The following CNTNAP5 variants were observed in gnomAD, a reference collection of about 807,000 sequenced individuals.
CNTNAP5 encodes contactin associated protein family member 5.
CNTNAP5 carries 72 observed loss-of-function variants against 150.2 expected under a neutral mutation model. That is an observed-to-expected ratio of 0.48 (90% CI 0.40 to 0.58). The LOEUF is 0.58. Among genes scored for constraint, CNTNAP5 ranks in the 20% least tolerant of loss-of-function variants. CNTNAP5 has a pLI of 0.00. For missense variants in CNTNAP5, 1,636 were observed against 1,626.2 expected, an observed-to-expected ratio of 1.01 and a Z score of -0.10; for synonymous variants, 672 against 619.8, an observed-to-expected ratio of 1.08 and a Z score of -1.25.
chr2:124,415,769 G>A (rs1691902624), intron 3 of CNTNAP5, among the ~76,000 whole-genome samples: 1 of 152,074 alleles, frequency 6.6e-6, no homozygotes, highest in Non-Finnish European at 1.5e-5. Flanking sequence ...GGTGGTGATG[G>A]TTATACGACA....
At chr2:124,057,554 T>C (rs1681889102) in intron 1 of CNTNAP5, among the ~76,000 whole-genome samples, 1 of 148,440 alleles carries the variant, frequency 6.7e-6, no homozygotes, top group African/African-American at 2.5e-5. Context: ...ACTCCCAAAG[T>C]GCTGGGATTA....
At chr2:124,063,812 G>A (rs544255548) in intron 1 of CNTNAP5, among the ~76,000 whole-genome samples, 6 of 152,220 alleles carry the variant, frequency 3.9e-5, no homozygotes, top group Admixed American at 2.0e-4. Context: ...ATAAAGGTGG[G>A]CACAGGACAT....
At chr2:124,909,858 T>TATATATATATATATATAA (rs56823375) in intron 22 of CNTNAP5, among the ~76,000 whole-genome samples, 8 of 143,498 alleles carry the variant, frequency 5.6e-5, no homozygotes, top group Non-Finnish European at 1.1e-4. Flanking sequence ...TATATATATA[T>TATATATATATATATATAA]GTTCTTCTCC....
chr2:124,093,725 G>C (rs1045513626), intron 1 of CNTNAP5, among the ~76,000 whole-genome samples: 22 of 152,114 alleles, frequency 1.4e-4, no homozygotes, highest in Non-Finnish European at 2.9e-4. Context: ...TCATACTTGG[G>C]TATAAGATAG....
intron 19 of CNTNAP5, among the ~76,000 whole-genome samples, chr2:124,839,917 A>G (rs1173080209): frequency 6.6e-6 from 1 of 152,148 alleles, no homozygotes; most frequent in Non-Finnish European, 1.5e-5. Context: ...AGGAAAACAC[A>G]CTTGTCTCTT....
intron 1 of CNTNAP5, among the ~76,000 whole-genome samples, chr2:124,059,519 T>C (rs1389105980): frequency 6.6e-6 from 1 of 152,212 alleles, no homozygotes; most frequent in Non-Finnish European, 1.5e-5. Flanking sequence ...GCACAGGATG[T>C]CATTCCTGAC....
At chr2:124,499,578 G>A (rs1301522655) in intron 7 of CNTNAP5, among the ~76,000 whole-genome samples, 6 of 152,218 alleles carry the variant, frequency 3.9e-5, no homozygotes, top group Non-Finnish European at 5.9e-5. Flanking sequence ...TGCCGATGAC[G>A]AGGGACACAA....
chr2:124,771,189 A>C (rs765786182), intron 16 of CNTNAP5, among the ~76,000 whole-genome samples: 1 of 152,174 alleles, frequency 6.6e-6, no homozygotes, highest in Non-Finnish European at 1.5e-5. Context: ...TAAATCTGGC[A>C]GTTGATGACT....
chr2:124,446,841 T>G lies in CNTNAP5; in HGVS notation c.822T>G (p.Ile274Met). 1 of 1,613,760 alleles carries G rather than the reference T, an allele frequency of 6.2e-7. No individual in the cohort carries two copies. Among genetic ancestry groups the G allele is most frequent in the Non-Finnish European group, 8.5e-7 (1 of 1,179,800 alleles). Reference protein sequence around the residue: ...LDDQHWHSVLIERVGKQVNFT... With the variant: ...LDDQHWHSVLMERVGKQVNFT... ...ACCAGCACTGGCACTCGGTCCTCAT[T>G]GAGCGGGTGGGCAAGCAGGTGAACT... is the stretch of plus-strand genomic sequence containing the variant. The change falls in exon 6 of 24, where the codon ATT becomes ATG. Residue 274 changes from isoleucine to methionine, a missense_variant. Physicochemically the swap from Ile to Met is conservative, Grantham distance 10. Coordinates refer to ENST00000682447, the MANE Select transcript of CNTNAP5 (RefSeq NM_001367498.1).
chr2:124,919,439 C>T lies in CNTNAP5; in HGVS notation c.*5151C>T, dbSNP rs1240798867. Among the ~76,000 whole-genome samples, 1 of 152,050 alleles carries T rather than the reference C, an allele frequency of 6.6e-6. No individual in the cohort carries two copies. The highest frequency in any genetic ancestry group is 6.6e-5 in the Admixed American group (1 of 15,244). On this transcript the variant is annotated 3_prime_UTR_variant, in exon 24 of 24. Transcript: ENST00000682447. The stretch of plus-strand genomic sequence containing the variant: ...ATAGTCTACAAAATGGCTGAGCAGA[C>T]ATGAACAAAGGTTAATGCAAAAGTT...
chr2:124,888,412 G>A (rs895405830), intron 21 of CNTNAP5, among the ~76,000 whole-genome samples: 2 of 152,104 alleles, frequency 1.3e-5, no homozygotes, highest in African/African-American at 4.8e-5. Context: ...GAACATATGA[G>A]CACATGTGTC....
At chr2:124,244,801 C>G (rs1008394310) in intron 3 of CNTNAP5, among the ~76,000 whole-genome samples, 3 of 152,106 alleles carry the variant, frequency 2.0e-5, no homozygotes, top group Non-Finnish European at 4.4e-5. Context: ...ACCTATTACA[C>G]AAGATATGTA....
intron 10 of CNTNAP5, among the ~76,000 whole-genome samples, chr2:124,556,850 G>A (rs375237656): frequency 6.6e-6 from 1 of 152,052 alleles, no homozygotes; most frequent in South Asian, 2.1e-4. Flanking sequence ...GCAGGGTGAG[G>A]GAGGAGATCA....
At chr2:124,419,161 A>AAAAAAAAAAAAAAAAC in intron 4 of CNTNAP5, among the ~76,000 whole-genome samples, 1 of 147,678 alleles carries the variant, frequency 6.8e-6, no homozygotes, top group African/African-American at 2.5e-5. Flanking sequence ...AAAAAAAAAA[A>AAAAAAAAAAAAAAAAC]AACAGTATGA....
Position 124,581,029 on chromosome 2 carries a change from G to T in CNTNAP5, c.1756+17706G>T, listed in dbSNP as rs533563596. ...GGCTCCTCAAAGGCTCTCACTGAAG[G>T]ATTATAGAATGTGATGGATATGATA... On this transcript the variant is annotated intron_variant, in intron 11 of 23. Transcript: ENST00000682447. Among the ~76,000 whole-genome samples, 8 of 152,282 alleles carry T rather than the reference G, an allele frequency of 5.3e-5. No homozygotes were observed. In the East Asian group the frequency reaches 1.6e-3, roughly 30 times the overall value.
chr2:124,279,015 T>C (rs1019626844), intron 3 of CNTNAP5, among the ~76,000 whole-genome samples: 1 of 152,288 alleles, frequency 6.6e-6, no homozygotes, highest in East Asian at 1.9e-4. Context: ...ACAGGAGACC[T>C]GAACAAGACA....
chr2:124,176,882 T>A (rs1015755114), intron 1 of CNTNAP5, among the ~76,000 whole-genome samples: 47 of 150,856 alleles, frequency 3.1e-4, no homozygotes, highest in African/African-American at 1.1e-3. Flanking sequence ...TTCTCTCTTG[T>A]TGCCCAGGGC....
chr2:124,905,684 A>G (rs1179292454), intron 22 of CNTNAP5, among the ~76,000 whole-genome samples: 1 of 152,142 alleles, frequency 6.6e-6, no homozygotes, highest in East Asian at 1.9e-4. Context: ...TCAGAGCCAC[A>G]TGGAGAAGTG....
intron 13 of CNTNAP5, among the ~76,000 whole-genome samples, chr2:124,727,534 C>T (rs1415245722): frequency 4.6e-5 from 7 of 151,886 alleles, no homozygotes; most frequent in Non-Finnish European, 1.0e-4. Context: ...TCTTACGCTT[C>T]CATGGTTACA....
Sources: allele counts gnomAD v4.1 joint callset (sites outside exome capture counted in the v4.1 genomes callset), GRCh38; gene constraint gnomAD v4.1.1; transcripts MANE v1.5; gene names NCBI Gene and HGNC (gene_info 2026-07-23, HGNC 2026-07-21).